The following JARID2 variants were observed in gnomAD, a reference collection of about 807,000 sequenced individuals.
JARID2 encodes the protein protein Jumonji.
Under a neutral mutation model 125.6 loss-of-function variants are expected in JARID2, and 21 were observed. The observed-to-expected ratio is 0.17, with a 90% CI of 0.12 to 0.24. The LOEUF (loss-of-function observed/expected upper bound fraction) is 0.24. Among genes scored for constraint, JARID2 ranks in the 10% least tolerant of loss-of-function variants. JARID2 has a pLI of 1.00. For synonymous variants in JARID2, 736 were observed against 661.6 expected (o/e 1.11, Z -1.73); for missense variants, 1,303 against 1,639.6 (o/e 0.79, Z 3.55).
chr6:15,459,401 T>A (rs1444992586), intron 4 of JARID2, among the ~76,000 whole-genome samples: 1 of 151,632 alleles, frequency 6.6e-6, no homozygotes, highest in African/African-American at 2.4e-5. Flanking sequence ...TGTTAGATAA[T>A]ATTGTTTAGA....
At chr6:15,279,654 T>C (rs1165232641) in intron 1 of JARID2, among the ~76,000 whole-genome samples, 1 of 152,272 alleles carries the variant, frequency 6.6e-6, no homozygotes, top group Non-Finnish European at 1.5e-5. Context: ...ACTTCATTCA[T>C]GTACACCATT....
chr6:15,473,758 T>A (rs1769208093), intron 5 of JARID2, among the ~76,000 whole-genome samples: 1 of 151,962 alleles, frequency 6.6e-6, no homozygotes, highest in South Asian at 2.1e-4. Context: ...CTCTGCAGAG[T>A]CCTTCCTGCT....
intron 1 of JARID2, chr6:15,247,727 CTCT>C: frequency 1.0e-6 from 1 of 985,262 alleles, no homozygotes; most frequent in South Asian, 4.7e-5. Context: ...AGCTGAATGC[CTCT>C]TCAAGAGAGC....
At chr6:15,360,467 G>GCCA (rs1311615139) in intron 1 of JARID2, among the ~76,000 whole-genome samples, 1 of 152,130 alleles carries the variant, frequency 6.6e-6, no homozygotes, top group Non-Finnish European at 1.5e-5. Flanking sequence ...ACAGGAGTGA[G>GCCA]CCACTGTGCC....
chr6:15,267,994 A>G (rs1760153545), intron 1 of JARID2, among the ~76,000 whole-genome samples: 1 of 151,942 alleles, frequency 6.6e-6, no homozygotes, highest in Non-Finnish European at 1.5e-5. Context: ...AGTATGGACA[A>G]CCCCACACCC....
At position 15,497,013 on chromosome 6, in the gene JARID2, G is replaced by GC; in HGVS notation, c.1791dup (p.Glu598ArgfsTer7). The GC allele has an allele frequency of 6.2e-7, 1 of 1,613,832 alleles. No homozygotes were observed. The highest frequency in any genetic ancestry group is 8.5e-7 in the Non-Finnish European group (1 of 1,179,908). Reference sequence around the variant, plus strand: ...GGGTGATCCCCCCTCCGGACTGGCGGCCCGAGTGCAAGCTCAACGATGAGA... The same window carrying GC: ...GGGTGATCCCCCCTCCGGACTGGCGGCCCCGAGTGCAAGCTCAACGATGAGA... On this transcript the variant is annotated frameshift_variant, in exon 7 of 18. Transcript: ENST00000341776. LOFTEE classifies it high-confidence loss of function.
At chr6:15,319,951 A>T (rs1002334420) in intron 1 of JARID2, among the ~76,000 whole-genome samples, 13 of 152,134 alleles carry the variant, frequency 8.5e-5, no homozygotes, top group Non-Finnish European at 1.9e-4. Flanking sequence ...CCTTATTCGA[A>T]CTGGAGCTAA....
chr6:15,319,114 C>CT (rs1228746780), intron 1 of JARID2, among the ~76,000 whole-genome samples: 7 of 152,180 alleles, frequency 4.6e-5, no homozygotes, highest in Admixed American at 3.9e-4. Context: ...GGCTTATTCA[C>CT]TTTCTTGCAG....
At chr6:15,379,902 G>C (rs1395647754) in intron 2 of JARID2, among the ~76,000 whole-genome samples, 1 of 152,176 alleles carries the variant, frequency 6.6e-6, no homozygotes, top group East Asian at 1.9e-4. Context: ...CCACCACTTA[G>C]ATAAGGAGAG....
intron 4 of JARID2, among the ~76,000 whole-genome samples, chr6:15,463,667 G>A (rs1256032984): frequency 6.6e-6 from 1 of 152,020 alleles, no homozygotes; most frequent in African/African-American, 2.4e-5. Flanking sequence ...CCTGACCTCA[G>A]GTGATCCTTC....
At chr6:15,351,162 G>GA (rs1321373462) in intron 1 of JARID2, among the ~76,000 whole-genome samples, 1 of 152,170 alleles carries the variant, frequency 6.6e-6, no homozygotes, top group Non-Finnish European at 1.5e-5. Flanking sequence ...CAGGTATGAG[G>GA]AAAATAGAGG....
chr6:15,514,037 G>A (rs187305774), intron 16 of JARID2, among the ~76,000 whole-genome samples: 1 of 152,340 alleles, frequency 6.6e-6, no homozygotes, highest in East Asian at 1.9e-4. Flanking sequence ...CTTCTCGACT[G>A]TGCCCTGCTG....
rs751270951 is a variant in JARID2 at position 15,511,396 on chromosome 6, G to A, written c.2947G>A (p.Val983Ile). 1.7e-5 allele frequency: 27 copies of A among 1,608,994 alleles called. No homozygotes were observed. The highest frequency in any genetic ancestry group is 2.2e-5 in the South Asian group (2 of 90,984). The part of the protein sequence containing the change: ...TPGLQMLESN[V>I]MISPEVLCKE... ...AGGGCTGCAGATGCTGGAAAGCAAC[G>A]TCATGGTGCGTCCACTCAGCCACCG... The change falls in exon 13 of 18, where the codon GTC becomes ATC. Residue 983 changes from valine to isoleucine, a missense_variant. By Grantham distance (29) the Val-to-Ile change is conservative (BLOSUM62 3). Coordinates refer to ENST00000341776, the MANE Select transcript of JARID2 (RefSeq NM_004973.4).
At chr6:15,382,708 T>A (rs1166952254) in intron 2 of JARID2, among the ~76,000 whole-genome samples, 1 of 152,212 alleles carries the variant, frequency 6.6e-6, no homozygotes, top group African/African-American at 2.4e-5. Context: ...AAATCCAATT[T>A]AAGTGACAGT....
chr6:15,433,237 C>T (rs898732249), intron 3 of JARID2, among the ~76,000 whole-genome samples: 109 of 152,202 alleles, frequency 7.2e-4, no homozygotes, highest in Non-Finnish European at 3.4e-4. Context: ...GCCCCATTTC[C>T]TTATAGGGAC....
intron 2 of JARID2, among the ~76,000 whole-genome samples, 193 bp downstream of exon 2, chr6:15,374,445 C>T (rs1050262571): frequency 7.2e-5 from 11 of 152,114 alleles, no homozygotes; most frequent in African/African-American, 1.9e-4. Context: ...CTTTATGTAC[C>T]GCGTTATATA....
At chr6:15,262,153 C>CTT (rs56888368) in intron 1 of JARID2, among the ~76,000 whole-genome samples, 228 of 139,350 alleles carry the variant, frequency 1.6e-3, no homozygotes, top group African/African-American at 5.1e-3. Context: ...AATCTCATGC[C>CTT]TTTTTTTTTT....
chr6:15,305,837 G>C (rs1490011684), intron 1 of JARID2, among the ~76,000 whole-genome samples: 1 of 152,058 alleles, frequency 6.6e-6, no homozygotes, highest in Non-Finnish European at 1.5e-5. Context: ...TGAATTCCTT[G>C]GACAGTGTAT....
chr6:15,323,696 C>T (rs1326467078), intron 1 of JARID2, among the ~76,000 whole-genome samples: 1 of 152,088 alleles, frequency 6.6e-6, no homozygotes, highest in Non-Finnish European at 1.5e-5. Flanking sequence ...GAGGCCGAAG[C>T]AGGCAGATCG....
Sources: gnomAD v4.1 joint callset for allele counts (sites outside exome capture counted in the v4.1 genomes callset) on GRCh38, gnomAD v4.1.1 for gene constraint, MANE v1.5 for transcripts, NCBI Gene and HGNC (gene_info 2026-07-23, HGNC 2026-07-21) for gene names.